PIGS: variants seen among roughly 807,000 people sequenced by gnomAD.
PIGS encodes phosphatidylinositol glycan anchor biosynthesis class S.
In PIGS, 37 loss-of-function variants were observed where a neutral mutation model predicts 58.2. That is an observed-to-expected ratio of 0.64 (90% confidence interval 0.49 to 0.84). PIGS has a LOEUF of 0.84. Among genes scored for constraint, PIGS ranks in the 40% least tolerant of loss-of-function variants. The pLI, the probability that PIGS is intolerant of heterozygous loss-of-function variation, is 0.00. For missense variants in PIGS, 629 were observed against 710.8 expected (o/e 0.88, Z 1.31); for synonymous variants, 269 against 289.2 (o/e 0.93, Z 0.71).
chr17:28,570,635 C>A (rs1306433107), intron 3 of PIGS, among the ~76,000 whole-genome samples: 1 of 152,258 alleles, frequency 6.6e-6, no homozygotes, highest in Non-Finnish European at 1.5e-5. Context: ...TGGGCATCAA[C>A]TGCTTCCGAT....
rs766089414 is a variant in PIGS, at chr17:28,561,607, G to A, written c.491C>T (p.Pro164Leu). 1.6e-5 allele frequency: 25 copies of A among 1,612,856 alleles called. No individual in the cohort carries two copies. The Admixed American group carries it at 2.8e-4, about 18-fold the overall frequency. The change falls in exon 6 of 12, where the codon CCC (proline) becomes CTC (leucine). Residue 164 changes from proline to leucine, a missense_variant. Pro to Leu is a moderately conservative substitution (Grantham distance 98, BLOSUM62 -3). Transcript: ENST00000308360. ...LPQDMMSYIG[P>L]KRTAVVRGIM... ...CCCCCGCACCACTGCTGTCCTCTTG[G>A]GCCCAATGTAGCTCATCATGTCCTG...
chr17:28,558,149 T>G (rs993901535), intron 8 of PIGS, among the ~76,000 whole-genome samples: 6 of 151,874 alleles, frequency 4.0e-5, no homozygotes, highest in Non-Finnish European at 7.4e-5. Context: ...TAAAAAAAAT[T>G]TTGAAAATTA....
At chr17:28,568,381 G>A (rs2070405829) in intron 3 of PIGS, among the ~76,000 whole-genome samples, 1 of 152,176 alleles carries the variant, frequency 6.6e-6, no homozygotes, top group Non-Finnish European at 1.5e-5. Flanking sequence ...GGGATTACAG[G>A]TGTGAGCTAC....
At chr17:28,560,757 G>A (rs1031380900) in intron 6 of PIGS, among the ~76,000 whole-genome samples, 4 of 151,362 alleles carry the variant, frequency 2.6e-5, no homozygotes, top group Non-Finnish European at 5.9e-5. Flanking sequence ...CAGCCTGGAC[G>A]ACAGGAGGCT....
At chr17:28,566,726 T>C (rs1047793780) in intron 3 of PIGS, among the ~76,000 whole-genome samples, 6 of 152,002 alleles carry the variant, frequency 3.9e-5, no homozygotes, top group Non-Finnish European at 1.5e-5. Context: ...CCAGAGTAGC[T>C]GGGACTACAG....
intron 3 of PIGS, among the ~76,000 whole-genome samples, chr17:28,569,497 AG>A (rs2070414916): frequency 6.6e-6 from 1 of 151,980 alleles, no homozygotes; most frequent in African/African-American, 2.4e-5. Context: ...AAAAAAGAAA[AG>A]AAAAGTTTTC....
Position 28,556,240 on chromosome 17 carries a change from A to G in PIGS, c.1107T>C (p.Tyr369=), listed in dbSNP as rs2070327036. Residue 369 remains tyrosine (Y), a synonymous_variant, in exon 10 of 12, where the codon TAT becomes TAC. Coordinates refer to ENST00000308360, the MANE Select transcript of PIGS (RefSeq NM_033198.4). ...IMVYNVDSKT[Y]NASVLPVRVE... ...CTCTCACTGGCAGCACTGAGGCATT[A>G]TAGGTTTTGGAGTCAACATTATATA... The G allele has an allele frequency of 1.9e-6, 3 of 1,613,448 alleles. No individual in the cohort carries two copies. In the African/African-American group the frequency reaches 4.0e-5, roughly 22 times the overall value.
chr17:28,558,025 G>A (rs2070341290), intron 8 of PIGS, among the ~76,000 whole-genome samples: 1 of 152,158 alleles, frequency 6.6e-6, no homozygotes, highest in East Asian at 1.9e-4. Flanking sequence ...AGGAACCTAG[G>A]GCTCAGGCAT....
intron 11 of PIGS, 80 bp downstream of exon 11, chr17:28,554,771 G>T: frequency 6.5e-7 from 1 of 1,546,326 alleles, no homozygotes; most frequent in Non-Finnish European, 8.9e-7. Flanking sequence ...GGACCTCACA[G>T]GCTCTCTGGT....
chr17:28,557,427 GTCAC>G (rs1276906569), intron 8 of PIGS: 1 of 180,126 alleles, frequency 5.6e-6, no homozygotes, highest in Non-Finnish European at 1.1e-5. Context: ...TTCATCTTTG[GTCAC>G]TCACTCACAT....
In PIGS at chr17:28,554,147, T is replaced by C. The variant is rs1470621890; in HGVS notation, c.*73A>G. Reference sequence around the variant, plus strand: ...ATTTAAGTCATTCCGGCAGGCCCCATGTACGTGCCTCACAATCTAACACCG... The same window carrying C: ...ATTTAAGTCATTCCGGCAGGCCCCACGTACGTGCCTCACAATCTAACACCG... On this transcript the variant is annotated 3_prime_UTR_variant, in exon 12 of 12. Transcript: ENST00000308360. 11 of 1,554,138 alleles carry C rather than the reference T, an allele frequency of 7.1e-6. No individual in the cohort carries two copies. The East Asian group carries it at 9.0e-5, about 13-fold the overall frequency.
intron 10 of PIGS, 92 bp from the exon 11 acceptor site, chr17:28,555,153 G>T: frequency 8.0e-7 from 1 of 1,252,622 alleles, no homozygotes; most frequent in Non-Finnish European, 1.1e-6. Context: ...CTGAGCCAGT[G>T]ATTTTCAATC....
intron 6 of PIGS, among the ~76,000 whole-genome samples, chr17:28,561,174 C>A (rs1289043139): frequency 6.6e-6 from 1 of 152,056 alleles, no homozygotes; most frequent in Non-Finnish European, 1.5e-5. Flanking sequence ...AGGAGAATGG[C>A]GTGAACCCGG....
chr17:28,555,771 C>T (rs2070323040), intron 10 of PIGS: 1 of 196,714 alleles, frequency 5.1e-6, no homozygotes, highest in Non-Finnish European at 1.1e-5. Flanking sequence ...GAGTTCAAGA[C>T]CAGCCTGGCC....
intron 3 of PIGS, 56 bp from the exon 4 acceptor site, chr17:28,563,963 C>T: frequency 1.4e-6 from 2 of 1,433,142 alleles, no homozygotes; most frequent in Non-Finnish European, 9.8e-7. Context: ...CCTCTGCCCA[C>T]CTTCCCAGAC....
chr17:28,563,183 T>C (rs767803627), intron 5 of PIGS, among the ~76,000 whole-genome samples: 2 of 151,984 alleles, frequency 1.3e-5, no homozygotes, highest in Non-Finnish European at 2.9e-5. Context: ...ATCCCAGGTA[T>C]TCAGGAGGTT....
intron 5 of PIGS, among the ~76,000 whole-genome samples, chr17:28,562,541 C>T (rs1298334518): frequency 1.3e-5 from 2 of 152,170 alleles, no homozygotes; most frequent in African/African-American, 4.8e-5. Flanking sequence ...TCAAGTGATT[C>T]TCCTGCCTCA....
chr17:28,557,138 T>C, intron 8 of PIGS, 166 bp from the exon 9 acceptor site: 1 of 707,518 alleles, frequency 1.4e-6, no homozygotes, highest in East Asian at 2.9e-5. Flanking sequence ...CTTCAGAATG[T>C]TCTCCCGAGA....
chr17:28,555,483 C>G (rs888544166), intron 10 of PIGS: 3 of 189,020 alleles, frequency 1.6e-5, no homozygotes, highest in South Asian at 1.9e-4. Flanking sequence ...AGCCTGCATC[C>G]GTGAGAGACA....
Sources: gnomAD v4.1 joint callset for allele counts (sites outside exome capture counted in the v4.1 genomes callset) on GRCh38, gnomAD v4.1.1 for gene constraint, MANE v1.5 for transcripts, NCBI Gene and HGNC (gene_info 2026-07-23, HGNC 2026-07-21) for gene names.